XKR4: variants seen among roughly 807,000 people sequenced by gnomAD.
XKR4 encodes XK related 4.
In XKR4, 12 loss-of-function variants were observed where a neutral mutation model predicts 53.9. The ratio of observed to expected loss-of-function variants is 0.22; its 90% CI spans 0.14 to 0.36. XKR4 has a LOEUF of 0.36. XKR4 is among the 10% of genes least tolerant of loss of function. XKR4 has a pLI of 1.00. For missense variants in XKR4, 799 were observed against 859.5 expected, an observed-to-expected ratio of 0.93 and a Z score of 0.88; for synonymous variants, 354 against 362.4, an observed-to-expected ratio of 0.98 and a Z score of 0.26.
At chr8:55,503,898 T>G (rs1354474313) in intron 2 of XKR4, among the ~76,000 whole-genome samples, 2 of 152,144 alleles carry the variant, frequency 1.3e-5, no homozygotes, top group Non-Finnish European at 2.9e-5. Context: ...TTGTTGAGTT[T>G]TTTTAATCTT....
chr8:55,488,476 C>G (rs1183844699), intron 2 of XKR4, among the ~76,000 whole-genome samples: 2 of 152,074 alleles, frequency 1.3e-5, no homozygotes, highest in African/African-American at 4.8e-5. Context: ...TGTGGTACAT[C>G]CAGACAATAG....
intron 2 of XKR4, among the ~76,000 whole-genome samples, chr8:55,436,339 A>G (rs1193529194): frequency 6.6e-6 from 1 of 152,232 alleles, no homozygotes; most frequent in African/African-American, 2.4e-5. Context: ...CTGATGTTAC[A>G]TCTCTGCTAA....
intron 2 of XKR4, among the ~76,000 whole-genome samples, chr8:55,379,809 C>G (rs1804205502): frequency 6.6e-6 from 1 of 152,218 alleles, no homozygotes; most frequent in Admixed American, 6.5e-5. Context: ...GGCAGAGGCC[C>G]TCCCCTCCAG....
intron 2 of XKR4, among the ~76,000 whole-genome samples, chr8:55,499,073 T>A (rs1012041930): frequency 6.6e-6 from 1 of 152,236 alleles, no homozygotes; most frequent in Non-Finnish European, 1.5e-5. Flanking sequence ...CATTTGGTCT[T>A]CTCCTGGTTA....
chr8:55,514,477 G>A (rs563096303), intron 2 of XKR4, among the ~76,000 whole-genome samples: 97 of 152,006 alleles, frequency 6.4e-4, no homozygotes, highest in Non-Finnish European at 1.0e-3. Flanking sequence ...GACTGGTCTC[G>A]AACTCCTGAC....
chr8:55,481,438 A>G (rs534964363), intron 2 of XKR4, among the ~76,000 whole-genome samples: 76 of 152,218 alleles, frequency 5.0e-4, no homozygotes, highest in African/African-American at 1.8e-3. Flanking sequence ...AAAACCATAA[A>G]AACCCTAGAA....
intron 1 of XKR4, among the ~76,000 whole-genome samples, chr8:55,270,761 C>T (rs550322864): frequency 1.3e-5 from 2 of 152,278 alleles, no homozygotes; most frequent in South Asian, 2.1e-4. Flanking sequence ...AGAGGTGCTC[C>T]ATTTTGGTGA....
At chr8:55,201,747 G>A (rs1336890264) in intron 1 of XKR4, among the ~76,000 whole-genome samples, 2 of 152,206 alleles carry the variant, frequency 1.3e-5, no homozygotes, top group African/African-American at 4.8e-5. Context: ...CCAATTGAAA[G>A]CCAATGTTCT....
intron 1 of XKR4, among the ~76,000 whole-genome samples, chr8:55,231,962 A>C (rs985058751): frequency 7.2e-5 from 11 of 152,202 alleles, no homozygotes; most frequent in African/African-American, 2.7e-4. Context: ...TTATCATCTC[A>C]GATTCATTTA....
At chr8:55,351,650 A>C (rs1216155789) in intron 1 of XKR4, among the ~76,000 whole-genome samples, 2 of 152,238 alleles carry the variant, frequency 1.3e-5, no homozygotes, top group African/African-American at 4.8e-5. Flanking sequence ...CACTCCCTGC[A>C]AACACTGTCT....
intron 2 of XKR4, among the ~76,000 whole-genome samples, chr8:55,431,457 GA>G (rs1805103217): frequency 6.6e-6 from 1 of 152,160 alleles, no homozygotes; most frequent in South Asian, 2.1e-4. Flanking sequence ...TACAACTAAA[GA>G]TCAATTATCT....
At chr8:55,461,559 T>C (rs1272116398) in intron 2 of XKR4, among the ~76,000 whole-genome samples, 1 of 152,062 alleles carries the variant, frequency 6.6e-6, no homozygotes, top group East Asian at 1.9e-4. Context: ...ACTCTAAAAA[T>C]CAGAGTGCCT....
intron 1 of XKR4, among the ~76,000 whole-genome samples, chr8:55,331,828 C>T (rs1479450770): frequency 6.6e-6 from 1 of 152,014 alleles, no homozygotes; most frequent in Non-Finnish European, 1.5e-5. Flanking sequence ...TCAATCTATT[C>T]TTAGATATAA....
intron 1 of XKR4, among the ~76,000 whole-genome samples, chr8:55,238,422 G>A (rs1355365795): frequency 6.6e-6 from 1 of 152,152 alleles, no homozygotes; most frequent in Non-Finnish European, 1.5e-5. Flanking sequence ...AGGAAGGTTG[G>A]TCTTGCTGTC....
intron 2 of XKR4, among the ~76,000 whole-genome samples, chr8:55,425,258 C>G (rs945000898): frequency 4.6e-5 from 7 of 152,206 alleles, no homozygotes; most frequent in African/African-American, 1.7e-4. Context: ...GTTAGGTCTT[C>G]CATGATTTCA....
At chr8:55,235,736 T>C (rs554311356) in intron 1 of XKR4, among the ~76,000 whole-genome samples, 1 of 152,086 alleles carries the variant, frequency 6.6e-6, no homozygotes, top group East Asian at 1.9e-4. Flanking sequence ...GCTGCAGCAA[T>C]AGAAAGGAAA....
At chr8:55,472,656 G>T (rs151064674) in intron 2 of XKR4, among the ~76,000 whole-genome samples, 21 of 152,128 alleles carry the variant, frequency 1.4e-4, no homozygotes, top group Non-Finnish European at 2.2e-4. Context: ...AAGGTGATGC[G>T]CACTGTCATA....
chr8:55,500,205 A>AAAAAAAAAAAAAAT (rs1806416278), intron 2 of XKR4, among the ~76,000 whole-genome samples: 1 of 146,772 alleles, frequency 6.8e-6, no homozygotes, highest in African/African-American at 2.5e-5. Context: ...AAAAAAAAAA[A>AAAAAAAAAAAAAAT]CAATGTAACA....
chr8:55,528,634 T>C lies in XKR4; in HGVS notation c.*4407T>C, dbSNP rs1407977203. 2.0e-5 allele frequency: 3 copies of C among 152,228 alleles called. No homozygotes were observed. Among genetic ancestry groups the C allele is most frequent in the Admixed American group, 1.3e-4 (2 of 15,282 alleles). 9.4% of individuals were successfully genotyped at this position (152,228 alleles called of 1,614,324 possible). ...AAGCCTTTTTAAAAATAGCTCATAC[T>C]GTCATTCAGATTATAGCTCAGAGGA... On this transcript the variant is annotated 3_prime_UTR_variant, in exon 3 of 3. Coordinates refer to ENST00000327381, the MANE Select transcript of XKR4 (RefSeq NM_052898.2).
Sources: gnomAD v4.1 joint callset for allele counts (sites outside exome capture counted in the v4.1 genomes callset) on GRCh38, gnomAD v4.1.1 for gene constraint, MANE v1.5 for transcripts, NCBI Gene and HGNC (gene_info 2026-07-23, HGNC 2026-07-21) for gene names.